The following WDR70 variants were observed in gnomAD, a reference collection of about 807,000 sequenced individuals.
The protein encoded by WDR70 is WD repeat-containing protein 70.
WDR70 carries 53 observed loss-of-function variants against 88.6 expected under a neutral mutation model. The observed-to-expected ratio is 0.60, with a 90% CI of 0.48 to 0.75. WDR70 has a LOEUF of 0.75. Ranked by LOEUF, WDR70 falls within the 30% of genes least tolerant of loss-of-function variation. WDR70 has a pLI of 0.00. For missense variants in WDR70, 610 were observed against 823.2 expected, an observed-to-expected ratio of 0.74 and a Z score of 3.17; for synonymous variants, 280 against 270.0, an observed-to-expected ratio of 1.04 and a Z score of -0.36.
At chr5:37,522,955 G>T (rs1205367826) in intron 9 of WDR70, among the ~76,000 whole-genome samples, 7 of 152,234 alleles carry the variant, frequency 4.6e-5, no homozygotes, top group Non-Finnish European at 2.9e-5. Context: ...CAATGCTGAG[G>T]CTTGAGTAGG....
chr5:37,611,389 C>G (rs1460386065), intron 10 of WDR70, among the ~76,000 whole-genome samples: 1 of 151,726 alleles, frequency 6.6e-6, no homozygotes, highest in Non-Finnish European at 1.5e-5. Context: ...TGGAGGTTCC[C>G]TATGTATGTG....
At chr5:37,730,704 T>C (rs1748121177) in intron 17 of WDR70, among the ~76,000 whole-genome samples, 1 of 152,176 alleles carries the variant, frequency 6.6e-6, no homozygotes, top group African/African-American at 2.4e-5. Context: ...TATTCAAGTT[T>C]TTTTCTTGAT....
intron 13 of WDR70, among the ~76,000 whole-genome samples, 175 bp from the exon 14 acceptor site, chr5:37,720,940 G>A (rs1747792608): frequency 6.6e-6 from 1 of 152,174 alleles, no homozygotes; most frequent in Admixed American, 6.5e-5. Context: ...ATAAGTGATG[G>A]AATGGAATTT....
At chr5:37,726,626 A>C (rs965689292) in intron 16 of WDR70, among the ~76,000 whole-genome samples, 4 of 152,162 alleles carry the variant, frequency 2.6e-5, no homozygotes, top group African/African-American at 4.8e-5. Context: ...AACTATCTGT[A>C]ATTTTTTCTA....
intron 13 of WDR70, among the ~76,000 whole-genome samples, chr5:37,716,687 A>G (rs1010321430): frequency 3.0e-4 from 39 of 129,734 alleles, no homozygotes; most frequent in Admixed American, 2.3e-3. Context: ...AATTATATTA[A>G]ATAATATAAA....
intron 10 of WDR70, among the ~76,000 whole-genome samples, chr5:37,693,729 G>A (rs996630110): frequency 6.6e-6 from 1 of 152,166 alleles, no homozygotes; most frequent in African/African-American, 2.4e-5. Context: ...AGACTTAAAT[G>A]TTAGACCTAA....
chr5:37,688,670 C>A (rs1039533565), intron 10 of WDR70, among the ~76,000 whole-genome samples: 1 of 124,474 alleles, frequency 8.0e-6, no homozygotes, highest in Admixed American at 9.9e-5. Context: ...CCAGTCTGTT[C>A]ACATGTGTTC....
intron 5 of WDR70, among the ~76,000 whole-genome samples, chr5:37,415,311 G>C (rs550124665): frequency 1.4e-4 from 21 of 150,930 alleles, no homozygotes; most frequent in African/African-American, 4.4e-4. Flanking sequence ...CCTCCCAGAC[G>C]GGGTGGTGGC....
chr5:37,577,974 A>G (rs1743106617), intron 9 of WDR70, among the ~76,000 whole-genome samples: 1 of 152,218 alleles, frequency 6.6e-6, no homozygotes, highest in African/African-American at 2.4e-5. Context: ...AGGAACACAA[A>G]CTAGCTTTTT....
intron 7 of WDR70, among the ~76,000 whole-genome samples, chr5:37,461,323 A>T (rs1374608990): frequency 4.6e-5 from 7 of 151,984 alleles, no homozygotes; most frequent in Non-Finnish European, 1.0e-4. Context: ...GGCTGAAAAG[A>T]TTCTTCTTGT....
intron 7 of WDR70, among the ~76,000 whole-genome samples, chr5:37,457,181 C>T (rs934396203): frequency 2.0e-5 from 3 of 152,132 alleles, no homozygotes; most frequent in Admixed American, 6.5e-5. Flanking sequence ...CCACAACCTC[C>T]ACCTCCTGGG....
Position 37,477,398 on chromosome 5 carries a change from C to A in WDR70, c.687-2436C>A, listed in dbSNP as rs192341729. On this transcript the variant is annotated intron_variant, in intron 7 of 17. Coordinates refer to ENST00000265107, the MANE Select transcript of WDR70 (RefSeq NM_018034.4). ...CCTGTTACCTTCCTAGCTTTATTTC[C>A]CCCACATACTTATTACCGTTTTTTC... is the stretch of plus-strand genomic sequence containing the variant. Among the ~76,000 whole-genome samples the A allele has an allele frequency of 1.9e-3, 288 of 152,110 alleles. 1 individual carries two copies. The highest frequency in any genetic ancestry group is 6.7e-3 in the African/African-American group (276 of 41,496).
chr5:37,658,057 A>T (rs1745606081), intron 10 of WDR70, among the ~76,000 whole-genome samples: 1 of 152,238 alleles, frequency 6.6e-6, no homozygotes, highest in African/African-American at 2.4e-5. Context: ...AAAGTAAAGT[A>T]AGCTAAATGT....
At chr5:37,437,807 T>G in intron 5 of WDR70, 115 bp from the exon 6 acceptor site, 1 of 981,620 alleles carries the variant, frequency 1.0e-6, no homozygotes, top group South Asian at 1.8e-5. Context: ...TTAAGCTTTG[T>G]GTTTAAAAAC....
chr5:37,747,930 A>G (rs1389384121), intron 17 of WDR70, among the ~76,000 whole-genome samples: 6 of 152,158 alleles, frequency 3.9e-5, no homozygotes, highest in Admixed American at 3.3e-4. Flanking sequence ...ACAGCTAACA[A>G]GGGATGTGAA....
At chr5:37,654,554 C>G (rs1745498248) in intron 10 of WDR70, among the ~76,000 whole-genome samples, 1 of 152,130 alleles carries the variant, frequency 6.6e-6, no homozygotes, top group African/African-American at 2.4e-5. Context: ...GTTAATGTCT[C>G]CCACTGTTAT....
Position 37,725,655 on chromosome 5 carries a change from A to G in WDR70, c.1714+605A>G, listed in dbSNP as rs72743189. ...TCCTTCAGCATAGAAAACATTTTGCATATCTATCTTAATTATTTTTTTCAT... is the reference window on the plus strand; with the variant it reads ...TCCTTCAGCATAGAAAACATTTTGCGTATCTATCTTAATTATTTTTTTCAT... On this transcript the variant is annotated intron_variant, in intron 16 of 17. Coordinates refer to ENST00000265107, the MANE Select transcript of WDR70 (RefSeq NM_018034.4). Among the ~76,000 whole-genome samples, 1,182 of 152,200 alleles carry G rather than the reference A, an allele frequency of 7.8e-3. 10 individuals carry two copies. The highest frequency in any genetic ancestry group is 0.013 in the Non-Finnish European group (873 of 67,996).
chr5:37,382,377 C>T (rs1205909839), intron 3 of WDR70, among the ~76,000 whole-genome samples: 1 of 151,138 alleles, frequency 6.6e-6, no homozygotes, highest in Admixed American at 6.6e-5. Flanking sequence ...GGATTACAGA[C>T]GTGAACCACT....
intron 5 of WDR70, among the ~76,000 whole-genome samples, chr5:37,402,686 C>A (rs997241219): frequency 6.6e-6 from 1 of 151,928 alleles, no homozygotes; most frequent in African/African-American, 2.4e-5. Context: ...TTAAAATATA[C>A]AATAAGATTA....
Sources: allele counts gnomAD v4.1 joint callset (sites outside exome capture counted in the v4.1 genomes callset), GRCh38; gene constraint gnomAD v4.1.1; transcripts MANE v1.5; gene names NCBI Gene and HGNC (gene_info 2026-07-23, HGNC 2026-07-21).